The following GEN1 variants were observed in gnomAD, a reference collection of about 807,000 sequenced individuals.
GEN1 encodes the protein GEN1 structure-specific endonuclease.
In GEN1, 64 loss-of-function variants were observed where a neutral mutation model predicts 67.6. The ratio of observed to expected loss-of-function variants is 0.95; its 90% confidence interval spans 0.77 to 1.17. The LOEUF is 1.17. GEN1 is among the 50% of genes most tolerant of loss of function. The pLI is 0.00. For synonymous variants in GEN1, 371 were observed against 359.4 expected (o/e 1.03, Z -0.37); for missense variants, 1,058 against 1,048.3 (o/e 1.01, Z -0.13).
At position 17,782,792 on chromosome 2, in the gene GEN1, C is replaced by T. The variant is rs2125185077; in HGVS notation, c.*853C>T. 6.6e-6 allele frequency: 1 copy of T among 152,214 alleles called. No individual in the cohort carries two copies. The highest frequency in any genetic ancestry group is 2.1e-4 in the South Asian group (1 of 4,828). 9.4% of individuals were successfully genotyped at this position (152,214 alleles called of 1,614,324 possible). On this transcript the variant is annotated 3_prime_UTR_variant, in exon 14 of 14. Coordinates refer to ENST00000381254, the MANE Select transcript of GEN1 (RefSeq NM_001130009.3). Reference sequence around the variant, plus strand: ...TTTTTTATTTTTCTATTTTTTCCTTCTATAGCACTTTTCCCCCTTTTGTTT... The same window carrying T: ...TTTTTTATTTTTCTATTTTTTCCTTTTATAGCACTTTTCCCCCTTTTGTTT...
At position 17,768,742 on chromosome 2, in the gene GEN1, T is replaced by C; in HGVS notation, c.641T>C (p.Val214Ala). 6.2e-7 allele frequency: 1 copy of C among 1,609,180 alleles called. No homozygotes were observed. The highest frequency in any genetic ancestry group is 8.5e-7 in the Non-Finnish European group (1 of 1,176,584). The change falls in exon 6 of 14, where the codon GTC becomes GCC. Residue 214 changes from valine (V) to alanine (A), a missense_variant. Transcript: ENST00000381254. ...TTTTTTCCCACTTTCTGAAAGGGAG[T>C]CCCTGGAGTTGGAAAAGAGCAAGCA... is the stretch of plus-strand genomic sequence containing the variant. ...LLGCDYLPKG[V>A]PGVGKEQALK...
chr2:17,757,668 C>A (rs1671493728), intron 1 of GEN1, among the ~76,000 whole-genome samples: 1 of 152,150 alleles, frequency 6.6e-6, no homozygotes. Context: ...ATGTGAATTT[C>A]TCTTCCCTCA....
At chr2:17,776,441 TAGAC>T (rs1672439036) in intron 11 of GEN1, among the ~76,000 whole-genome samples, 2 of 152,190 alleles carry the variant, frequency 1.3e-5, no homozygotes, top group Non-Finnish European at 2.9e-5. Context: ...ATACTCTACA[TAGAC>T]AGGCTGCAGT....
rs1374246134 is a variant in GEN1 at position 17,774,258 on chromosome 2, A to G, written c.1072-13A>G. 7.0e-7 allele frequency: 1 copy of G among 1,423,120 alleles called. No homozygotes were observed. Among genetic ancestry groups the G allele is most frequent in the East Asian group, 2.5e-5 (1 of 40,574 alleles). The allele number at this position is 1,423,120 out of a possible 1,614,324, so 88.2% of individuals were successfully genotyped here. On this transcript the variant is annotated splice_polypyrimidine_tract_variant and intron_variant, in intron 10 of 13. Coordinates refer to ENST00000381254, the MANE Select transcript of GEN1 (RefSeq NM_001130009.3). ...GATAACAAAATCTTGTTTTATTTTT[A>G]TTATATTTATAGAGATTTACTCTTG...
In GEN1 at chr2:17,780,153, A is replaced by C. The variant is rs188197532; in HGVS notation, c.1408+32A>C. ...TTTGGGTTTGATAGCTATTTATGCC[A>C]CATGCAAATGTTATAGAAGAGCCAC... On this transcript the variant is annotated intron_variant, in intron 13 of 13. Transcript: ENST00000381254. 214 of 1,576,712 alleles carry C rather than the reference A, an allele frequency of 1.4e-4. No homozygotes were observed. The East Asian group carries it at 4.8e-3, about 35-fold the overall frequency.
intron 11 of GEN1, among the ~76,000 whole-genome samples, chr2:17,777,427 A>C (rs1205255323): frequency 1.3e-5 from 2 of 152,206 alleles, no homozygotes; most frequent in Non-Finnish European, 2.9e-5. Context: ...GTACAATTAA[A>C]ATAAGAAAGT....
intron 2 of GEN1, among the ~76,000 whole-genome samples, chr2:17,760,695 G>A (rs1256115726): frequency 6.6e-6 from 1 of 152,178 alleles, no homozygotes; most frequent in Non-Finnish European, 1.5e-5. Context: ...GCCGAGGCAG[G>A]TGGATCACAA....
At chr2:17,772,226 C>T (rs890745224) in intron 7 of GEN1, among the ~76,000 whole-genome samples, 37 of 151,928 alleles carry the variant, frequency 2.4e-4, no homozygotes, top group African/African-American at 8.9e-4. Flanking sequence ...TTAATACACT[C>T]GTTAAAGAAA....
Position 17,769,893 on chromosome 2 carries a change from C to T in GEN1, c.710+1082C>T, listed in dbSNP as rs189474060. Among the ~76,000 whole-genome samples, 57 of 152,058 alleles carry T rather than the reference C, an allele frequency of 3.7e-4. No homozygotes were observed. The South Asian group carries it at 7.1e-3, about 19-fold the overall frequency. ...AAACAGTCTTGGCCTCCAGCAGGTT[C>T]GAGATGGCAAGTGCCTGAAAAAAAT... On this transcript the variant is annotated intron_variant, in intron 6 of 13. Transcript: ENST00000381254.
At chr2:17,772,983 T>C (rs1672264662) in intron 8 of GEN1, 113 bp from the exon 9 acceptor site, 4 of 824,898 alleles carry the variant, frequency 4.8e-6, no homozygotes, top group Middle Eastern at 3.6e-4. Context: ...CTTGACTGTT[T>C]GGGATACTGT....
Position 17,766,791 on chromosome 2 carries a change from G to C in GEN1, c.636+102G>C, listed in dbSNP as rs1012885384. ...TAATATGGCTATATGATTAAAAATC[G>C]AATTTAAAATATAATTTCAGGCATA... On this transcript the variant is annotated intron_variant, in intron 5 of 13. Coordinates refer to ENST00000381254, the MANE Select transcript of GEN1 (RefSeq NM_001130009.3). 6.8e-6 allele frequency: 4 copies of C among 589,798 alleles called. No homozygotes were observed. In the South Asian group the frequency reaches 1.1e-4, roughly 16 times the overall value. 36.5% of individuals were successfully genotyped at this position (589,798 alleles called of 1,614,324 possible).
At chr2:17,770,522 C>T (rs887925373) in intron 6 of GEN1, among the ~76,000 whole-genome samples, 14 of 152,070 alleles carry the variant, frequency 9.2e-5, no homozygotes, top group African/African-American at 2.4e-4. Context: ...AGAACACATA[C>T]GTTTTATGAT....
rs781647073 is a variant in GEN1 at position 17,781,255 on chromosome 2, A to ATT, written c.2044_2045dup (p.Leu682PhefsTer15). The ATT allele has an allele frequency of 1.2e-6, 2 of 1,613,640 alleles. No homozygotes were observed. The highest frequency in any genetic ancestry group is 1.7e-6 in the Non-Finnish European group (2 of 1,179,608). On this transcript the variant is annotated frameshift_variant, in exon 14 of 14. Coordinates refer to ENST00000381254, the MANE Select transcript of GEN1 (RefSeq NM_001130009.3). LOFTEE classifies it low-confidence loss of function (END_TRUNC). The stretch of plus-strand genomic sequence containing the variant: ...CTTTAAAGGAACGAATATTTACAAA[A>ATT]TTATCATATCCTCAGGATAATCTAC...
At chr2:17,757,304 G>C (rs537103038) in intron 1 of GEN1, among the ~76,000 whole-genome samples, 6 of 148,538 alleles carry the variant, frequency 4.0e-5, no homozygotes, top group Non-Finnish European at 7.4e-5. Context: ...TTAATTAACA[G>C]CTTTACACAA....
intron 3 of GEN1, among the ~76,000 whole-genome samples, chr2:17,764,070 T>C (rs1032719470): frequency 6.6e-6 from 1 of 152,186 alleles, no homozygotes; most frequent in African/African-American, 2.4e-5. Context: ...AAGGCCAGAC[T>C]ACAAGCTACC....
rs576730630 is a variant in GEN1, at chr2:17,788,521, TGTA to T, written c.*6583_*6585del. 68 of 152,352 alleles carry T rather than the reference TGTA, an allele frequency of 4.5e-4. No individual in the cohort carries two copies. Among genetic ancestry groups the T allele is most frequent in the African/African-American group, 1.6e-3 (67 of 41,584 alleles). The allele number at this position is 152,352 out of a possible 1,614,324, so 9.4% of individuals were successfully genotyped here. A position where few individuals can be genotyped will look rare whatever the true frequency, so the allele number is the denominator to read the frequency against. Reference sequence around the variant, plus strand: ...TGCTAATGTTTAGAAGAATTCCTTTTGTAAGCATCAAAGAAGAACTTTAATAAG... The same window carrying T: ...TGCTAATGTTTAGAAGAATTCCTTTTAGCATCAAAGAAGAACTTTAATAAG... On this transcript the variant is annotated 3_prime_UTR_variant, in exon 14 of 14. Coordinates refer to ENST00000381254, the MANE Select transcript of GEN1 (RefSeq NM_001130009.3).
intron 12 of GEN1, among the ~76,000 whole-genome samples, chr2:17,778,379 T>C (rs1393684492): frequency 0.015 from 275 of 18,306 alleles, 70 homozygotes; most frequent in African/African-American, 0.04. Context: ...TACACACACA[T>C]ATATGTGTGT....
In GEN1 at chr2:17,783,305, C is replaced by T. The variant is rs1485888582; in HGVS notation, c.*1366C>T. The T allele has an allele frequency of 6.6e-6, 1 of 152,278 alleles. No individual in the cohort carries two copies. Among genetic ancestry groups the T allele is most frequent in the East Asian group, 1.9e-4 (1 of 5,200 alleles). 9.4% of individuals were successfully genotyped at this position (152,278 alleles called of 1,614,324 possible). A position where few individuals can be genotyped will look rare whatever the true frequency, so the allele number is the denominator to read the frequency against. ...AACTCCTGGCCTCAAGCGATCCACC[C>T]ATCTTGGCCTCCCAGAGTGCTGGGA... is the stretch of plus-strand genomic sequence containing the variant. On this transcript the variant is annotated 3_prime_UTR_variant, in exon 14 of 14. Coordinates refer to ENST00000381254, the MANE Select transcript of GEN1 (RefSeq NM_001130009.3).
chr2:17,777,982 TA>T lies in GEN1; in HGVS notation c.1203-17del. The T allele has an allele frequency of 7.1e-7, 1 of 1,411,966 alleles. No individual in the cohort carries two copies. Among genetic ancestry groups the T allele is most frequent in the Non-Finnish European group, 1.0e-6 (1 of 998,906 alleles). The allele number at this position is 1,411,966 out of a possible 1,614,324, so 87.5% of individuals were successfully genotyped here. On this transcript the variant is annotated intron_variant, in intron 11 of 13. Coordinates refer to ENST00000381254, the MANE Select transcript of GEN1 (RefSeq NM_001130009.3). ...AATATCTTATGCAATTAGACTTCAT[TA>T]AATGAATTTGTTTTTCAGAATTGTT...
Sources: gnomAD v4.1 joint callset for allele counts (sites outside exome capture counted in the v4.1 genomes callset) on GRCh38, gnomAD v4.1.1 for gene constraint, MANE v1.5 for transcripts, NCBI Gene and HGNC (gene_info 2026-07-23, HGNC 2026-07-21) for gene names.